Variants in LINGO1 observed in about 807,000 individuals in gnomAD.
The protein encoded by LINGO1 is leucine rich repeat and Ig domain containing 1.
LINGO1 carries 11 observed loss-of-function variants against 37.3 expected under a neutral mutation model. That is an observed-to-expected ratio of 0.29 (90% confidence interval 0.19 to 0.49). The LOEUF is 0.49. Among genes scored for constraint, LINGO1 ranks in the 20% least tolerant of loss-of-function variants. LINGO1 has a pLI of 0.99. For synonymous variants in LINGO1, 387 were observed against 403.0 expected (o/e 0.96, Z 0.48); for missense variants, 585 against 878.2 (o/e 0.67, Z 4.22).
chr15:77,758,203 G>A (rs975744423), intron 1 of LINGO1, among the ~76,000 whole-genome samples: 2 of 152,164 alleles, frequency 1.3e-5, no homozygotes, highest in African/African-American at 4.8e-5. Context: ...AGGGGTCTTA[G>A]CCAGGCTCCC....
At chr15:77,631,546 A>T (rs2074253781) in intron 1 of LINGO1, among the ~76,000 whole-genome samples, 1 of 152,166 alleles carries the variant, frequency 6.6e-6, no homozygotes, top group Non-Finnish European at 1.5e-5. Flanking sequence ...CCTTGAGAGC[A>T]GAGAGCCCAC....
chr15:77,694,989 G>A (rs1055229142), intron 1 of LINGO1, among the ~76,000 whole-genome samples: 2 of 150,518 alleles, frequency 1.3e-5, no homozygotes, highest in African/African-American at 4.9e-5. Flanking sequence ...CTGAACACTC[G>A]GGATAATCTT....
rs139123602 is a variant in LINGO1 at position 77,818,550 on chromosome 15, G to A, written c.-458+1708C>T. Among the ~76,000 whole-genome samples the A allele has an allele frequency of 5.5e-3, 831 of 152,318 alleles. 8 individuals are homozygous for A. The highest frequency in any genetic ancestry group is 0.019 in the African/African-American group (797 of 41,578). On this transcript the variant is annotated intron_variant, in intron 1 of 5. Transcript: ENST00000562933. ...CTCTTGGGAGCTCCTGAGGGTCCAG[G>A]TCGGGTGGGGCGCGCCTTGCGGCAA... is the stretch of plus-strand genomic sequence containing the variant.
Position 77,776,456 on chromosome 15 carries a change from G to GGCAGGAAGGCAGGAAA in LINGO1, c.-257+10412_-257+10413insTTTCCTGCCTTCCTGC, listed in dbSNP as rs1567577451. Among the ~76,000 whole-genome samples, 449 of 121,906 alleles carry GGCAGGAAGGCAGGAAA rather than the reference G, an allele frequency of 3.7e-3. 13 individuals carry two copies. The highest frequency in any genetic ancestry group is 0.012 in the African/African-American group (378 of 30,528). 80.0% of individuals were successfully genotyped at this position (121,906 alleles called of 152,430 possible). A position where few individuals can be genotyped will look rare whatever the true frequency, so the allele number is the denominator to read the frequency against. ...ACCTGTCCCGGGGCTTTAGCAGGAA[G>GGCAGGAAGGCAGGAAA]GCAGGAAGGCAGGAAGGCAGGAAGG... On this transcript the variant is annotated intron_variant, in intron 1 of 3. Transcript: ENST00000561686.
At chr15:77,650,147 T>C (rs1270105884) in intron 3 of LINGO1, among the ~76,000 whole-genome samples, 4 of 152,240 alleles carry the variant, frequency 2.6e-5, no homozygotes, top group African/African-American at 9.6e-5. Context: ...TGGGGCTTTG[T>C]TGCCAATTAA....
chr15:77,766,802 T>C (rs1047570405), intron 1 of LINGO1, among the ~76,000 whole-genome samples: 1 of 152,168 alleles, frequency 6.6e-6, no homozygotes, highest in Admixed American at 6.5e-5. Flanking sequence ...TATTTCTTCA[T>C]AGCAGTGTGA....
intron 3 of LINGO1, among the ~76,000 whole-genome samples, chr15:77,663,243 C>T (rs375885032): frequency 6.6e-6 from 1 of 152,170 alleles, no homozygotes; most frequent in African/African-American, 2.4e-5. Context: ...GTGTGCGGTG[C>T]GAGGGCGGAA....
At chr15:77,793,298 G>A (rs564781075) in intron 2 of LINGO1, among the ~76,000 whole-genome samples, 14 of 152,240 alleles carry the variant, frequency 9.2e-5, no homozygotes, top group Admixed American at 6.5e-4. Flanking sequence ...CTTTCCTCCC[G>A]AACACACAGC....
At chr15:77,792,539 C>G (rs1229383510) in intron 2 of LINGO1, among the ~76,000 whole-genome samples, 1 of 152,258 alleles carries the variant, frequency 6.6e-6, no homozygotes, top group Non-Finnish European at 1.5e-5. Context: ...TCCCTCTCCT[C>G]AGGCCTCTGC....
chr15:77,802,511 G>A (rs2076928320), intron 1 of LINGO1, among the ~76,000 whole-genome samples: 1 of 152,092 alleles, frequency 6.6e-6, no homozygotes, highest in Non-Finnish European at 1.5e-5. Flanking sequence ...GCAGAGATCA[G>A]GCCATTCTGG....
intron 1 of LINGO1, among the ~76,000 whole-genome samples, chr15:77,754,163 G>C (rs1455651343): frequency 6.6e-6 from 1 of 150,804 alleles, no homozygotes; most frequent in African/African-American, 2.4e-5. Context: ...AAAGAGTGGG[G>C]CAGAAGGGAG....
intron 3 of LINGO1, among the ~76,000 whole-genome samples, chr15:77,649,897 C>T (rs917447527): frequency 6.6e-6 from 1 of 152,146 alleles, no homozygotes; most frequent in Non-Finnish European, 1.5e-5. Context: ...AACTCTGTCA[C>T]CCCAGGGGGT....
At chr15:77,719,017 T>C (rs2076017892) in intron 2 of LINGO1, among the ~76,000 whole-genome samples, 1 of 150,542 alleles carries the variant, frequency 6.6e-6, no homozygotes, top group African/African-American at 2.4e-5. Flanking sequence ...AGTGTGGACC[T>C]GCCTGAGTGG....
At chr15:77,744,539 TTAAAA>T (rs1196194901) in intron 1 of LINGO1, among the ~76,000 whole-genome samples, 1 of 152,046 alleles carries the variant, frequency 6.6e-6, no homozygotes, top group African/African-American at 2.4e-5. Flanking sequence ...TACATCAAAA[TTAAAA>T]TAAAATAAAA....
At chr15:77,628,449 CAG>C (rs1351373446) in intron 1 of LINGO1, among the ~76,000 whole-genome samples, 1 of 152,106 alleles carries the variant, frequency 6.6e-6, no homozygotes, top group Non-Finnish European at 1.5e-5. Flanking sequence ...AGGCAAATTC[CAG>C]AGGACTGCAC....
upstream of LINGO1, among the ~76,000 whole-genome samples, chr15:77,638,948 A>G (rs1446111274): frequency 6.6e-6 from 1 of 152,198 alleles, no homozygotes; most frequent in East Asian, 1.9e-4. Flanking sequence ...ATTAGATTAC[A>G]AAACAACTGT....
At chr15:77,642,797 G>A (rs1447376391) in intron 3 of LINGO1, among the ~76,000 whole-genome samples, 2 of 152,224 alleles carry the variant, frequency 1.3e-5, no homozygotes, top group African/African-American at 4.8e-5. Flanking sequence ...GGAAAAGAGG[G>A]AATCCCGAAA....
At chr15:77,616,784 C>G (rs1427860063) in intron 1 of LINGO1, among the ~76,000 whole-genome samples, 1 of 152,204 alleles carries the variant, frequency 6.6e-6, no homozygotes, top group Non-Finnish European at 1.5e-5. Context: ...CAGTTCTTTC[C>G]TCTGGCAATG....
At chr15:77,658,500 G>C (rs1019077255) in intron 3 of LINGO1, among the ~76,000 whole-genome samples, 1 of 152,234 alleles carries the variant, frequency 6.6e-6, no homozygotes. Flanking sequence ...ATGCAGGCTT[G>C]TTCTCCAGCA....
Sources: gnomAD v4.1 joint callset for allele counts (sites outside exome capture counted in the v4.1 genomes callset) on GRCh38, gnomAD v4.1.1 for gene constraint, MANE v1.5 for transcripts, NCBI Gene and HGNC (gene_info 2026-07-23, HGNC 2026-07-21) for gene names.